The following RASD2 variants were observed in gnomAD, a reference collection of about 807,000 sequenced individuals.
RASD2 encodes GTP-binding protein Rhes.
In RASD2, 7 loss-of-function variants were observed where a neutral mutation model predicts 15.8. That is an observed-to-expected ratio of 0.44 (90% CI 0.25 to 0.83). The LOEUF (loss-of-function observed/expected upper bound fraction) is 0.83. RASD2 is among the 40% of genes least tolerant of loss of function. RASD2 has a pLI of 0.20. For missense variants in RASD2, 274 were observed against 382.8 expected (o/e 0.72, Z 2.37); for synonymous variants, 155 against 153.6 (o/e 1.01, Z -0.07).
At chr22:35,533,495 G>A in the RASD2 span, among the ~76,000 whole-genome samples, 21 of 152,222 alleles carry the variant, frequency 1.4e-4, no homozygotes, top group African/African-American at 5.1e-4. Flanking sequence ...CGCTGACGGT[G>A]ATGGTGATGA....
At chr22:35,545,061 G>C (rs528834172) in intron 1 of RASD2, among the ~76,000 whole-genome samples, 1 of 152,308 alleles carries the variant, frequency 6.6e-6, no homozygotes, top group South Asian at 2.1e-4. Flanking sequence ...ACGTCCCTTT[G>C]TGATTCATTC....
In RASD2 at chr22:35,552,270, C is replaced by G; in HGVS notation, c.*238C>G. The G allele has an allele frequency of 3.4e-6, 2 of 581,828 alleles. No homozygotes were observed. The highest frequency in any genetic ancestry group is 6.0e-6 in the Non-Finnish European group (2 of 330,892). The allele number at this position is 581,828 out of a possible 1,614,324, so 36.0% of individuals were successfully genotyped here. On this transcript the variant is annotated 3_prime_UTR_variant, in exon 3 of 3. Coordinates refer to ENST00000216127, the MANE Select transcript of RASD2 (RefSeq NM_014310.4). ...ATCTCCTCTGTGGGAGGACACATCT[C>G]TGCAGCCTCAAGAGTTAGGCAGAGA...
chr22:35,537,984 C>T (rs1469782412), upstream of RASD2, among the ~76,000 whole-genome samples: 3 of 150,732 alleles, frequency 2.0e-5, no homozygotes, highest in Non-Finnish European at 4.4e-5. Context: ...CTTGCTCCGT[C>T]GCCCAGGCTA....
Position 35,552,380 on chromosome 22 carries a change from G to A in RASD2, c.*348G>A. 1 of 291,664 alleles carries A rather than the reference G, an allele frequency of 3.4e-6. No homozygotes were observed. Among genetic ancestry groups the A allele is most frequent in the Non-Finnish European group, 6.4e-6 (1 of 155,210 alleles). The allele number at this position is 291,664 out of a possible 1,614,324, so 18.1% of individuals were successfully genotyped here. A position where few individuals can be genotyped will look rare whatever the true frequency, so the allele number is the denominator to read the frequency against. On this transcript the variant is annotated 3_prime_UTR_variant, in exon 3 of 3. Coordinates refer to ENST00000216127, the MANE Select transcript of RASD2 (RefSeq NM_014310.4). ...ATTGCTGCGTCATATGGAGCCTCCT[G>A]GGACAAGCCTCAGGATGAAAAGGAC... is the stretch of plus-strand genomic sequence containing the variant.
Position 35,540,978 on chromosome 22 carries a change from C to G in RASD2, c.-532C>G, listed in dbSNP as rs1934329881. The G allele has an allele frequency of 6.6e-6, 1 of 152,472 alleles. No individual in the cohort carries two copies. Among genetic ancestry groups the G allele is most frequent in the Admixed American group, 6.5e-5 (1 of 15,270 alleles). The allele number at this position is 152,472 out of a possible 1,614,324, so 9.4% of individuals were successfully genotyped here. A position where few individuals can be genotyped will look rare whatever the true frequency, so the allele number is the denominator to read the frequency against. ...GCCCGATACCCCCCATCCGAGCGAC[C>G]CCCTTTGGGGCAGGCGGAGAAGGTG... On this transcript the variant is annotated 5_prime_UTR_variant, in exon 1 of 3. Transcript: ENST00000216127.
At position 35,551,940 on chromosome 22, in the gene RASD2, C is replaced by T. The variant is rs1934681736; in HGVS notation, c.709C>T (p.Arg237Cys). ...TGGCATGGTCTCGCCCTTCGCCCGCCGCCCCAGCGTCAACAGTGACCTCAA... is the reference window on the plus strand; with the variant it reads ...TGGCATGGTCTCGCCCTTCGCCCGCTGCCCCAGCGTCAACAGTGACCTCAA... ...AYGMVSPFAR[R>C]PSVNSDLKYI... Residue 237 changes from arginine (R) to cysteine (C), a missense_variant, in exon 3 of 3, where the codon CGC becomes TGC. Physicochemically the swap from Arg to Cys is radical, Grantham distance 180. Transcript: ENST00000216127. The surrounding 1 kb of genome is among the most constrained non-coding windows in gnomAD (Gnocchi z 4.9). 6.2e-7 allele frequency: 1 copy of T among 1,607,462 alleles called. No homozygotes were observed. The highest frequency in any genetic ancestry group is 8.5e-7 in the Non-Finnish European group (1 of 1,180,006).
upstream of RASD2, among the ~76,000 whole-genome samples, chr22:35,537,871 CAGGGCATGGTGGGAATCACGT>C (rs565677945): frequency 5.1e-3 from 775 of 152,060 alleles, 6 homozygotes; most frequent in African/African-American, 0.017. Context: ...AGGTTGAGTG[CAGGGCATGGTGGGAATCACGT>C]CCTGGTTGGA....
upstream of RASD2, among the ~76,000 whole-genome samples, chr22:35,536,055 G>A (rs758949505): frequency 6.6e-5 from 10 of 152,174 alleles, no homozygotes; most frequent in Non-Finnish European, 1.3e-4. Flanking sequence ...GGGATGTTTG[G>A]TGAGGCCTTG....
intron 1 of RASD2, among the ~76,000 whole-genome samples, chr22:35,543,101 G>A (rs1934395784): frequency 6.6e-6 from 1 of 152,300 alleles, no homozygotes; most frequent in South Asian, 2.1e-4. Context: ...TCTGCTGTGT[G>A]AACTGGGGCA....
chr22:35,551,405 C>CTGTG lies in RASD2; in HGVS notation c.272-97_272-94dup. On this transcript the variant is annotated intron_variant, in intron 2 of 2. Coordinates refer to ENST00000216127, the MANE Select transcript of RASD2 (RefSeq NM_014310.4). The surrounding 1 kb of genome is among the most constrained non-coding windows in gnomAD (Gnocchi z 4.9). ...ATGCCGCATAACTGCTTCAGGGCACCTGTGACTCCCAGCTCTTAGGGCTGA... is the reference window on the plus strand; with the variant it reads ...ATGCCGCATAACTGCTTCAGGGCACCTGTGTGTGACTCCCAGCTCTTAGGGCTGA... 6.2e-6 allele frequency: 8 copies of CTGTG among 1,291,610 alleles called. No individual in the cohort carries two copies. The South Asian group carries it at 9.9e-5, about 16-fold the overall frequency. 80.0% of individuals were successfully genotyped at this position (1,291,610 alleles called of 1,614,324 possible). A position where few individuals can be genotyped will look rare whatever the true frequency, so the allele number is the denominator to read the frequency against.
rs1934693050 is a variant in RASD2 at position 35,552,335 on chromosome 22, T to C, written c.*303T>C. On this transcript the variant is annotated 3_prime_UTR_variant, in exon 3 of 3. Coordinates refer to ENST00000216127, the MANE Select transcript of RASD2 (RefSeq NM_014310.4). ...TCCTCTCCTGGGGTTGGAAGAAATG[T>C]TGATGCCAGAGGGGTGAGGATTGCT... The C allele has an allele frequency of 4.6e-6, 2 of 439,058 alleles. No homozygotes were observed. The highest frequency in any genetic ancestry group is 8.2e-6 in the Non-Finnish European group (2 of 243,668). The allele number at this position is 439,058 out of a possible 1,614,324, so 27.2% of individuals were successfully genotyped here. A position where few individuals can be genotyped will look rare whatever the true frequency, so the allele number is the denominator to read the frequency against.
chr22:35,546,776 G>A, intron 1 of RASD2, 25 bp from the exon 2 acceptor site: 1 of 1,605,408 alleles, frequency 6.2e-7, no homozygotes. Flanking sequence ...GGGCCCTGAT[G>A]CCTGCTTCTC....
At chr22:35,539,926 G>A (rs1052015448), upstream of RASD2, among the ~76,000 whole-genome samples, 1 of 152,206 alleles carries the variant, frequency 6.6e-6, no homozygotes, top group African/African-American at 2.4e-5. Flanking sequence ...AAGGCACCTG[G>A]TGTGTCCCCG....
In RASD2 at chr22:35,552,096, T is replaced by A. The variant is rs1934686735; in HGVS notation, c.*64T>A. On this transcript the variant is annotated 3_prime_UTR_variant, in exon 3 of 3. Coordinates refer to ENST00000216127, the MANE Select transcript of RASD2 (RefSeq NM_014310.4). Reference sequence around the variant, plus strand: ...GGGAGGTGGCCCCAGATGCCCACTGTGCGCATCTCCCCACCGAGGCCCCGG... The same window carrying A: ...GGGAGGTGGCCCCAGATGCCCACTGAGCGCATCTCCCCACCGAGGCCCCGG... 1 of 1,524,184 alleles carries A rather than the reference T, an allele frequency of 6.6e-7. No individual in the cohort carries two copies. The highest frequency in any genetic ancestry group is 8.8e-7 in the Non-Finnish European group (1 of 1,134,480). 94.4% of individuals were successfully genotyped at this position (1,524,184 alleles called of 1,614,324 possible). A position where few individuals can be genotyped will look rare whatever the true frequency, so the allele number is the denominator to read the frequency against.
rs144835917 is a variant in RASD2 at position 35,542,416 on chromosome 22, T to C, written c.-10+916T>C. Among the ~76,000 whole-genome samples the C allele has an allele frequency of 1.0e-3, 153 of 152,370 alleles. 4 individuals are homozygous for C. The highest frequency in any genetic ancestry group is 9.0e-3 in the Admixed American group (138 of 15,308). The stretch of plus-strand genomic sequence containing the variant: ...AACCCAGGGCCACACAGGGGGTTTA[T>C]GTCTTACCATTAACAGAGGAATAAC... On this transcript the variant is annotated intron_variant, in intron 1 of 2. Coordinates refer to ENST00000216127, the MANE Select transcript of RASD2 (RefSeq NM_014310.4).
rs1054262693 is a variant in RASD2, at chr22:35,547,001, C to T, written c.192C>T (p.Gly64=). 12 of 1,614,014 alleles carry T rather than the reference C, an allele frequency of 7.4e-6. No individual in the cohort carries two copies. The highest frequency in any genetic ancestry group is 5.0e-5 in the Admixed American group (3 of 60,002). ...ACCGTAAGGTATACAACATCCGCGG[C>T]GACATGTACCAGCTCGACATCCTGG... ...DFHRKVYNIR[G]DMYQLDILDT... is the part of the protein sequence containing the mutation. The change falls in exon 2 of 3, where the codon GGC becomes GGT. Residue 64 remains glycine, a synonymous_variant. Transcript: ENST00000216127.
chr22:35,539,377 G>A (rs1934291211), upstream of RASD2, among the ~76,000 whole-genome samples: 1 of 152,202 alleles, frequency 6.6e-6, no homozygotes, highest in Non-Finnish European at 1.5e-5. Flanking sequence ...CATGAGGTAG[G>A]GAGGCCAGAT....
intron 2 of RASD2, 113 bp downstream of exon 2, chr22:35,547,193 T>C: frequency 7.6e-7 from 1 of 1,310,334 alleles, no homozygotes; most frequent in Non-Finnish European, 1.1e-6. Flanking sequence ...GAGACAGGCG[T>C]CATCCCTGCA....
intron 1 of RASD2, among the ~76,000 whole-genome samples, chr22:35,543,310 C>T (rs985547718): frequency 3.0e-4 from 46 of 152,170 alleles, no homozygotes; most frequent in Non-Finnish European, 2.8e-4. Flanking sequence ...ACCTGTGCCG[C>T]TAGGGGGTCT....
Sources: allele counts gnomAD v4.1 joint callset (sites outside exome capture counted in the v4.1 genomes callset), GRCh38; gene constraint gnomAD v4.1.1; non-coding constraint Gnocchi (gnomAD v3.1); transcripts MANE v1.5; gene names NCBI Gene and HGNC (gene_info 2026-07-23, HGNC 2026-07-21).